Variants in TLE3 observed in about 807,000 individuals in gnomAD.
The protein encoded by TLE3 is transducin-like enhancer protein 3.
A neutral mutation model predicts 93.0 loss-of-function variants in TLE3; 14 were observed. That is an observed-to-expected ratio of 0.15 (90% confidence interval 0.10 to 0.24). The LOEUF (loss-of-function observed/expected upper bound fraction) is 0.24, where lower values mean the gene tolerates loss of function less well. TLE3 is among the 10% of genes least tolerant of loss of function. The pLI is 1.00. For synonymous variants in TLE3, 451 were observed against 425.0 expected (o/e 1.06, Z -0.75); for missense variants, 693 against 1,046.6 (o/e 0.66, Z 4.66).
chr15:70,054,751 T>C, intron 15 of TLE3, 66 bp from the exon 16 acceptor site: 1 of 1,481,968 alleles, frequency 6.7e-7, no homozygotes, highest in Non-Finnish European at 9.0e-7. Flanking sequence ...GAGAGTCCTG[T>C]CCAGCAACAC....
At chr15:70,083,222 C>T (rs1285151960) in intron 4 of TLE3, among the ~76,000 whole-genome samples, 1 of 151,644 alleles carries the variant, frequency 6.6e-6, no homozygotes, top group Non-Finnish European at 1.5e-5. Flanking sequence ...GCAGACACCA[C>T]AGGGCCCAGA....
chr15:70,093,989 G>A (rs1168736186), intron 4 of TLE3, among the ~76,000 whole-genome samples: 1 of 152,214 alleles, frequency 6.6e-6, no homozygotes, highest in Non-Finnish European at 1.5e-5. Context: ...CCTTGTCAAT[G>A]CAAGGCACTG....
chr15:70,095,488 G>T, intron 3 of TLE3, 90 bp downstream of exon 3: 1 of 1,546,868 alleles, frequency 6.5e-7, no homozygotes, highest in Non-Finnish European at 8.7e-7. Context: ...GCGGTGGTGG[G>T]GACCTGGCGC....
intron 3 of TLE3, chr15:70,094,935 C>T (rs2058478214): frequency 4.5e-6 from 1 of 223,748 alleles, no homozygotes; most frequent in South Asian, 1.1e-4. Flanking sequence ...GTGTCGAAGG[C>T]CTCTTATGTG....
chr15:70,097,058 G>C lies in TLE3; in HGVS notation c.-260C>G, dbSNP rs776892560. The C allele has an allele frequency of 1.4e-5, 7 of 500,402 alleles. No individual in the cohort carries two copies. In the South Asian group the frequency reaches 2.2e-4, roughly 16 times the overall value. The allele number at this position is 500,402 out of a possible 1,614,324, so 31.0% of individuals were successfully genotyped here. On this transcript the variant is annotated 5_prime_UTR_variant, in exon 1 of 20. Coordinates refer to ENST00000451782, the MANE Select transcript of TLE3 (RefSeq NM_001105192.3). The stretch of plus-strand genomic sequence containing the variant: ...GGCGGGCGCGGGCTTTGTGCGCCTA[G>C]GGCTCGGCGGGCAGCGGCCGGCCGC...
At chr15:70,063,658 G>A (rs2056638400) in intron 8 of TLE3, among the ~76,000 whole-genome samples, 1 of 152,208 alleles carries the variant, frequency 6.6e-6, no homozygotes, top group Non-Finnish European at 1.5e-5. Flanking sequence ...ACAGCGATGA[G>A]GAATAAAATA....
At chr15:70,079,420 C>T (rs763234874) in intron 4 of TLE3, 2 of 449,166 alleles carry the variant, frequency 4.5e-6, no homozygotes, top group Non-Finnish European at 8.7e-6. Flanking sequence ...TCCTGGTTCA[C>T]CGTAAAAGTT....
chr15:70,081,606 C>T (rs1465982951), intron 4 of TLE3, among the ~76,000 whole-genome samples: 1 of 152,230 alleles, frequency 6.6e-6, no homozygotes, highest in African/African-American at 2.4e-5. Flanking sequence ...CCAGGGTTCT[C>T]CAAGTTGTTG....
intron 10 of TLE3, among the ~76,000 whole-genome samples, chr15:70,059,120 G>C (rs866460318): frequency 3.9e-5 from 6 of 152,264 alleles, no homozygotes; most frequent in African/African-American, 1.4e-4. Flanking sequence ...GAGACCCTGG[G>C]GGGACGGAGG....
Position 70,058,884 on chromosome 15 carries a change from A to T in TLE3, c.766-69T>A, listed in dbSNP as rs1337906781. ...AGCCTCGAGGCTTCCCTGCTCTGGG[A>T]GTGGGAAGAGAGAGGGCATGGGCGA... On this transcript the variant is annotated intron_variant, in intron 10 of 19. Transcript: ENST00000451782. This position sits in a 1 kb window ranked among gnomAD's most constrained non-coding sequence, Gnocchi z 4.1. 1.5e-5 allele frequency: 22 copies of T among 1,468,190 alleles called. No individual in the cohort carries two copies. The East Asian group carries it at 5.3e-4, about 36-fold the overall frequency. The allele number at this position is 1,468,190 out of a possible 1,614,324, so 90.9% of individuals were successfully genotyped here.
intron 4 of TLE3, among the ~76,000 whole-genome samples, chr15:70,089,214 T>C (rs576656396): frequency 2.7e-4 from 41 of 152,340 alleles, no homozygotes; most frequent in Admixed American, 1.1e-3. Context: ...CAGTGAAGTC[T>C]GCTCTCACCC....
chr15:70,067,560 T>G (rs1281739199), intron 6 of TLE3, among the ~76,000 whole-genome samples: 1 of 152,168 alleles, frequency 6.6e-6, no homozygotes, highest in Non-Finnish European at 1.5e-5. Context: ...CCATAGAGAA[T>G]AGATCTGAGA....
At chr15:70,065,445 C>G (rs1378370987) in intron 7 of TLE3, among the ~76,000 whole-genome samples, 7 of 152,218 alleles carry the variant, frequency 4.6e-5, no homozygotes, top group Admixed American at 6.5e-5. Flanking sequence ...CCCCCACTTA[C>G]AGGCAGTCAG....
intron 4 of TLE3, among the ~76,000 whole-genome samples, chr15:70,088,348 G>A (rs928175079): frequency 3.9e-4 from 59 of 152,210 alleles, no homozygotes; most frequent in Non-Finnish European, 1.3e-4. Context: ...ATGGCGGCAG[G>A]ACGTTTCCCC....
chr15:70,087,024 GA>G (rs1375715169), intron 4 of TLE3, among the ~76,000 whole-genome samples: 1 of 152,182 alleles, frequency 6.6e-6, no homozygotes, highest in Non-Finnish European at 1.5e-5. Flanking sequence ...GCCTCTGTCA[GA>G]AAACTAAGAA....
chr15:70,056,933 G>C (rs1049975327), intron 13 of TLE3, among the ~76,000 whole-genome samples: 2 of 152,148 alleles, frequency 1.3e-5, no homozygotes, highest in African/African-American at 4.8e-5. Context: ...ATTTTTAGTA[G>C]AGATGAGGTT....
intron 17 of TLE3, chr15:70,052,952 C>T (rs889331254): frequency 4.7e-6 from 2 of 428,960 alleles, no homozygotes; most frequent in East Asian, 7.8e-5. Context: ...TTATTTCCAT[C>T]TTGTGAATGA....
Position 70,096,963 on chromosome 15 carries a change from G to T in TLE3, c.-165C>A. On this transcript the variant is annotated 5_prime_UTR_variant, in exon 1 of 20. Coordinates refer to ENST00000451782, the MANE Select transcript of TLE3 (RefSeq NM_001105192.3). ...TCGCAGCGAAATCCCAGAGTCGGGC[G>T]CCCGCCCCAAGTGGAGACAAAGAGC... The T allele has an allele frequency of 1.2e-6, 1 of 820,254 alleles. No individual in the cohort carries two copies. Among genetic ancestry groups the T allele is most frequent in the Non-Finnish European group, 2.0e-6 (1 of 510,670 alleles). The allele number at this position is 820,254 out of a possible 1,614,324, so 50.8% of individuals were successfully genotyped here. A position where few individuals can be genotyped will look rare whatever the true frequency, so the allele number is the denominator to read the frequency against.
rs981997334 is a variant in TLE3 at position 70,065,228 on chromosome 15, C to A, written c.578-758G>T. On this transcript the variant is annotated intron_variant, in intron 7 of 19. Coordinates refer to ENST00000451782, the MANE Select transcript of TLE3 (RefSeq NM_001105192.3). ...TGTTGGCTACGTGCCCCAGTAAATACCGTATCTAAGGGCAGAGTGCATTTG... is the reference window on the plus strand; with the variant it reads ...TGTTGGCTACGTGCCCCAGTAAATAACGTATCTAAGGGCAGAGTGCATTTG... Among the ~76,000 whole-genome samples, 9 of 152,252 alleles carry A rather than the reference C, an allele frequency of 5.9e-5. 1 individual carries two copies. The highest frequency in any genetic ancestry group is 1.2e-4 in the Non-Finnish European group (8 of 68,040).
Sources: gnomAD v4.1 joint callset for allele counts (sites outside exome capture counted in the v4.1 genomes callset) on GRCh38, gnomAD v4.1.1 for gene constraint, Gnocchi (gnomAD v3.1) non-coding constraint, MANE v1.5 for transcripts, NCBI Gene and HGNC (gene_info 2026-07-23, HGNC 2026-07-21) for gene names.